The following VEZF1 variants were observed in gnomAD, a reference collection of about 807,000 sequenced individuals.
VEZF1 encodes putative transcription factor DB1.
A neutral mutation model predicts 44.1 loss-of-function variants in VEZF1; 5 were observed. The ratio of observed to expected loss-of-function variants is 0.11; its 90% CI spans 0.06 to 0.24. VEZF1 has a LOEUF of 0.24. VEZF1 is among the 10% of genes least tolerant of loss of function. The probability of loss-of-function intolerance (pLI) is 1.00; values close to 1 mark genes in which losing one functional copy is unlikely to be tolerated. For missense variants in VEZF1, 358 were observed against 641.8 expected (o/e 0.56, Z 4.78); for synonymous variants, 236 against 233.1 (o/e 1.01, Z -0.11).
Position 57,982,816 on chromosome 17 carries a change from C to T in VEZF1, c.611G>A (p.Cys204Tyr), listed in dbSNP as rs1361641813. The T allele has an allele frequency of 6.2e-7, 1 of 1,614,072 alleles. No individual in the cohort carries two copies. The highest frequency in any genetic ancestry group is 1.3e-5 in the African/African-American group (1 of 74,928). ...CTTGAAGCGCTGATTACAAATAGGA[C>T]ACTCAAAGGGTTTCTCATCTGAATG... Reference protein sequence around the residue: ...LSHSDEKPFECPICNQRFKRK... With the variant: ...LSHSDEKPFEYPICNQRFKRK... The change falls in exon 2 of 6, where the codon TGT becomes TAT. Residue 204 changes from cysteine (C) to tyrosine (Y), a missense_variant. Transcript: ENST00000581208.
chr17:57,982,173 T>C (rs1281281315), intron 2 of VEZF1, among the ~76,000 whole-genome samples: 1 of 152,238 alleles, frequency 6.6e-6, no homozygotes. Flanking sequence ...TAGGTCTTGA[T>C]TCTTTACAAT....
intron 4 of VEZF1, 52 bp from the exon 5 acceptor site, chr17:57,979,365 G>A (rs79121083): frequency 0.082 from 129,773 of 1,589,272 alleles, 5,682 homozygotes; most frequent in African/African-American, 0.09. Context: ...AACTGTTGCC[G>A]TTTTTTTTCA....
chr17:57,975,008 C>G, intron 5 of VEZF1, 108 bp from the exon 6 acceptor site: 1 of 1,269,072 alleles, frequency 7.9e-7, no homozygotes, highest in Non-Finnish European at 1.1e-6. Context: ...TTTAATAAAT[C>G]AAATTCCAGT....
chr17:57,974,109 T>C lies in VEZF1; in HGVS notation c.*364A>G, dbSNP rs2075164687. The stretch of plus-strand genomic sequence containing the variant: ...CCTTGTATAGGGAGAAGAGTTCTGC[T>C]AGTGTTTACAATAAAGTGATTCCTT... On this transcript the variant is annotated 3_prime_UTR_variant, in exon 6 of 6. Transcript: ENST00000581208. 1 of 233,606 alleles carries C rather than the reference T, an allele frequency of 4.3e-6. No homozygotes were observed. The highest frequency in any genetic ancestry group is 9.4e-5 in the East Asian group (1 of 10,640). 14.5% of individuals were successfully genotyped at this position (233,606 alleles called of 1,614,324 possible).
At chr17:57,985,119 T>A in intron 1 of VEZF1, 1 of 499,024 alleles carries the variant, frequency 2.0e-6, no homozygotes, top group Non-Finnish European at 3.1e-6. Flanking sequence ...TAGCTGAAGA[T>A]ATACAATTTC....
At chr17:57,979,399 G>C in intron 4 of VEZF1, 86 bp from the exon 5 acceptor site, 1 of 1,567,344 alleles carries the variant, frequency 6.4e-7, no homozygotes, top group Middle Eastern at 1.8e-4. Flanking sequence ...ATGCTTCTGT[G>C]ATCTTAACCA....
intron 1 of VEZF1, among the ~76,000 whole-genome samples, chr17:57,987,174 T>C (rs2075302822): frequency 2.0e-5 from 3 of 152,134 alleles, no homozygotes; most frequent in Admixed American, 2.0e-4. Flanking sequence ...AAGCGGACTT[T>C]GTTTGCTCTC....
chr17:57,982,701 T>G lies in VEZF1; in HGVS notation c.726A>C (p.Ser242=), dbSNP rs2075261101. The change falls in exon 2 of 6, where the codon TCA becomes TCC. Residue 242 remains serine (S), a splice_region_variant and synonymous_variant. Coordinates refer to ENST00000581208, the MANE Select transcript of VEZF1 (RefSeq NM_007146.3). ...YTCSVCGKGF[S]RPDHLSCHVK... Reference sequence around the variant, plus strand: ...CAAAGCAAAGCAAAATGCAGTACCTTGAGAAGCCTTTCCCACAAACACTGC... The same window carrying G: ...CAAAGCAAAGCAAAATGCAGTACCTGGAGAAGCCTTTCCCACAAACACTGC... 1 of 1,606,920 alleles carries G rather than the reference T, an allele frequency of 6.2e-7. No individual in the cohort carries two copies. Among genetic ancestry groups the G allele is most frequent in the Non-Finnish European group, 8.5e-7 (1 of 1,176,518 alleles).
chr17:57,981,694 T>C (rs879270303), intron 3 of VEZF1, among the ~76,000 whole-genome samples, 179 bp downstream of exon 3: 4 of 152,218 alleles, frequency 2.6e-5, no homozygotes, highest in Non-Finnish European at 4.4e-5. Context: ...TTAAATGATC[T>C]TGCTTTACAG....
At chr17:57,983,594 T>G (rs372673813) in intron 1 of VEZF1, among the ~76,000 whole-genome samples, 1 of 152,216 alleles carries the variant, frequency 6.6e-6, no homozygotes, top group Non-Finnish European at 1.5e-5. Context: ...CACAAAACTT[T>G]TGCAACTAAG....
intron 2 of VEZF1, 150 bp downstream of exon 2, chr17:57,982,549 G>A (rs2075259354): frequency 1.4e-6 from 1 of 710,150 alleles, no homozygotes; most frequent in Non-Finnish European, 2.2e-6. Context: ...TAGACCTGGA[G>A]GTGTTAATAC....
At chr17:57,983,495 C>T in intron 1 of VEZF1, 102 bp from the exon 2 acceptor site, 1 of 1,027,538 alleles carries the variant, frequency 9.7e-7, no homozygotes, top group East Asian at 2.4e-5. Context: ...AGTCAAAGAA[C>T]CTATAAGCTA....
intron 1 of VEZF1, among the ~76,000 whole-genome samples, chr17:57,983,658 G>A (rs936715357): frequency 2.0e-5 from 3 of 152,016 alleles, no homozygotes; most frequent in African/African-American, 7.3e-5. Flanking sequence ...CACTATCCTG[G>A]TTCATAAGGG....
intron 3 of VEZF1, 165 bp from the exon 4 acceptor site, chr17:57,980,951 A>T: frequency 1.4e-6 from 1 of 712,784 alleles, no homozygotes; most frequent in Non-Finnish European, 2.3e-6. Flanking sequence ...AAAACTCTTG[A>T]TAAATTTTAG....
At chr17:57,984,139 G>A (rs1352243015) in intron 1 of VEZF1, among the ~76,000 whole-genome samples, 1 of 152,146 alleles carries the variant, frequency 6.6e-6, no homozygotes, top group Non-Finnish European at 1.5e-5. Context: ...AACTCTCAAA[G>A]ACAGACTAAT....
chr17:57,986,278 T>C (rs2075292759), intron 1 of VEZF1: 2 of 152,192 alleles, frequency 1.3e-5, no homozygotes, highest in South Asian at 4.1e-4. Flanking sequence ...TCCAAAGATG[T>C]GTTATGGGTT....
At chr17:57,976,777 C>T (rs1265295509) in intron 5 of VEZF1, among the ~76,000 whole-genome samples, 1 of 151,990 alleles carries the variant, frequency 6.6e-6, no homozygotes, top group South Asian at 2.1e-4. Flanking sequence ...TCTTATTGTG[C>T]AAGCAAATTG....
intron 1 of VEZF1, among the ~76,000 whole-genome samples, chr17:57,986,537 T>C (rs544531018): frequency 6.6e-6 from 1 of 152,300 alleles, no homozygotes; most frequent in East Asian, 1.9e-4. Flanking sequence ...CTCATCAAAG[T>C]ACAATAAAAC....
intron 5 of VEZF1, 127 bp downstream of exon 5, chr17:57,979,025 T>G: frequency 8.1e-7 from 1 of 1,239,258 alleles, no homozygotes; most frequent in Non-Finnish European, 1.1e-6. Flanking sequence ...TTTCCCAGCA[T>G]GCACTATTTC....
Sources: gnomAD v4.1 joint callset for allele counts (sites outside exome capture counted in the v4.1 genomes callset) on GRCh38, gnomAD v4.1.1 for gene constraint, MANE v1.5 for transcripts, NCBI Gene and HGNC (gene_info 2026-07-23, HGNC 2026-07-21) for gene names.